TRIM65: variants seen among roughly 807,000 people sequenced by gnomAD.
TRIM65 encodes the protein E3 ubiquitin-protein ligase TRIM65.
Under a neutral mutation model 36.1 loss-of-function variants are expected in TRIM65, and 46 were observed. The observed-to-expected ratio is 1.27, with a 90% CI of 1.01 to 1.63. The LOEUF (loss-of-function observed/expected upper bound fraction) is 1.63. Among genes scored for constraint, TRIM65 ranks in the 40% most tolerant of loss-of-function variants. The probability of loss-of-function intolerance (pLI) is 0.00; values close to 1 mark genes in which losing one functional copy is unlikely to be tolerated. For missense variants in TRIM65, 708 were observed against 696.6 expected, an observed-to-expected ratio of 1.02 and a Z score of -0.18; for synonymous variants, 346 against 313.6, an observed-to-expected ratio of 1.10 and a Z score of -1.09.
In TRIM65 at chr17:75,896,688, C is replaced by T; in HGVS notation, c.250G>A (p.Asp84Asn). Residue 84 changes from aspartate to asparagine, a missense_variant, in exon 1 of 6, where the codon GAT becomes AAT. Asp to Asn is a conservative substitution (Grantham distance 23). Transcript: ENST00000269383. The part of the protein sequence containing the change: ...RAGPARDPGP[D>N]PGPGPDPAAR... ...GCAGGGTCGGGGCCGGGGCCGGGAT[C>T]GGGGCCGGGATCCCGGGCGGGCCCG... The T allele has an allele frequency of 2.3e-6, 3 of 1,299,978 alleles. No individual in the cohort carries two copies. Among genetic ancestry groups the T allele is most frequent in the African/African-American group, 3.1e-5 (2 of 63,708 alleles). 80.5% of individuals were successfully genotyped at this position (1,299,978 alleles called of 1,614,324 possible).
downstream of TRIM65, among the ~76,000 whole-genome samples, chr17:75,879,957 T>G (rs1479033087): frequency 6.6e-6 from 1 of 150,564 alleles, no homozygotes; most frequent in Non-Finnish European, 1.5e-5. Context: ...TTTCACCATG[T>G]TGGCCAAGCT....
At position 75,889,773 on chromosome 17, in the gene TRIM65, G is replaced by C. The variant is rs901321318; in HGVS notation, c.*1006C>G. On this transcript the variant is annotated 3_prime_UTR_variant, in exon 6 of 6. Transcript: ENST00000269383. ...AGCCTACATACATGACCATAAATGTGGCCAAACATCCCACTCAGAAATATT... is the reference window on the plus strand; with the variant it reads ...AGCCTACATACATGACCATAAATGTCGCCAAACATCCCACTCAGAAATATT... 2 of 152,084 alleles carry C rather than the reference G, an allele frequency of 1.3e-5. No individual in the cohort carries two copies. The highest frequency in any genetic ancestry group is 2.4e-5 in the African/African-American group (1 of 41,394). 9.4% of individuals were successfully genotyped at this position (152,084 alleles called of 1,614,324 possible).
At chr17:75,891,450 G>A (rs1008612876) in intron 5 of TRIM65, 103 bp from the exon 6 acceptor site, 5 of 1,243,348 alleles carry the variant, frequency 4.0e-6, no homozygotes, top group South Asian at 1.3e-5. Flanking sequence ...AGCACCGGCC[G>A]TCACCATAGC....
At chr17:75,894,104 TCTTC>T (rs2065311832) in intron 1 of TRIM65, among the ~76,000 whole-genome samples, 2 of 152,068 alleles carry the variant, frequency 1.3e-5, no homozygotes, top group Admixed American at 1.3e-4. Flanking sequence ...AGGCATCGAT[TCTTC>T]CTTCTCTGAC....
rs533357998 is a variant in TRIM65 at position 75,894,736 on chromosome 17, A to G, written c.414+1788T>C. Among the ~76,000 whole-genome samples, 9 of 152,312 alleles carry G rather than the reference A, an allele frequency of 5.9e-5. No homozygotes were observed. The East Asian group carries it at 9.7e-4, about 16-fold the overall frequency. ...AGTAGAGACAGGGTTTCACCATGTT[A>G]GCCAGGATGGTCTCAATCTCCTGAC... On this transcript the variant is annotated intron_variant, in intron 1 of 5. Coordinates refer to ENST00000269383, the MANE Select transcript of TRIM65 (RefSeq NM_173547.4).
downstream of TRIM65, among the ~76,000 whole-genome samples, chr17:75,888,352 CAA>C (rs1251206237): frequency 6.6e-5 from 6 of 91,070 alleles, no homozygotes; most frequent in Non-Finnish European, 6.9e-5. Context: ...GACTCTGTCT[CAA>C]AAAAAAAAAA....
chr17:75,896,859 A>G lies in TRIM65; in HGVS notation c.79T>C (p.Cys27Arg). ...GLYQDPVTLP[C>R]GHNFCGACIR... ...CAGGCCCCGCAGAAGTTGTGGCCGC[A>G]GGGCAGCGTCACTGGGTCCTGGTAG... The change falls in exon 1 of 6, where the codon TGC (cysteine) becomes CGC (arginine). Residue 27 changes from cysteine to arginine, a missense_variant. Coordinates refer to ENST00000269383, the MANE Select transcript of TRIM65 (RefSeq NM_173547.4). The G allele has an allele frequency of 1.3e-6, 2 of 1,531,594 alleles. No homozygotes were observed. The highest frequency in any genetic ancestry group is 2.5e-5 in the East Asian group (1 of 39,346). The allele number at this position is 1,531,594 out of a possible 1,614,324, so 94.9% of individuals were successfully genotyped here. A position where few individuals can be genotyped will look rare whatever the true frequency, so the allele number is the denominator to read the frequency against.
intron 4 of TRIM65, among the ~76,000 whole-genome samples, chr17:75,883,728 C>T (rs1400891934): frequency 2.0e-5 from 3 of 151,606 alleles, no homozygotes; most frequent in African/African-American, 7.3e-5. Flanking sequence ...GGGGTTTCAC[C>T]GTGTTAGCCA....
In TRIM65 at chr17:75,891,018, C is replaced by G. The variant is rs544347988; in HGVS notation, c.1315G>C (p.Glu439Gln). 6.2e-7 allele frequency: 1 copy of G among 1,606,512 alleles called. No homozygotes were observed. The highest frequency in any genetic ancestry group is 1.3e-5 in the African/African-American group (1 of 74,814). Reference sequence around the variant, plus strand: ...GACACCCCTGGGAGGCGCTGGGCTTCCCCGTTGTGCCAGGCCTGGAGGCTG... The same window carrying G: ...GACACCCCTGGGAGGCGCTGGGCTTGCCCGTTGTGCCAGGCCTGGAGGCTG... ...EDSLQAWHNGEAQRLPGVSGR... is the reference protein window; with the variant it reads ...EDSLQAWHNGQAQRLPGVSGR... Residue 439 changes from glutamate to glutamine, a missense_variant, in exon 6 of 6, where the codon GAA becomes CAA. Transcript: ENST00000269383.
intron 1 of TRIM65, 58 bp downstream of exon 1, chr17:75,896,466 C>A: frequency 1.6e-6 from 2 of 1,284,552 alleles, no homozygotes; most frequent in Non-Finnish European, 9.9e-7. Flanking sequence ...AGGAGTCACC[C>A]GGCGGTGGCC....
At chr17:75,879,728 C>T (rs368487296), downstream of TRIM65, among the ~76,000 whole-genome samples, 9 of 150,634 alleles carry the variant, frequency 6.0e-5, no homozygotes, top group East Asian at 1.3e-3. Context: ...AGACATATTT[C>T]GCATTGAAAA....
chr17:75,890,863 C>A lies in TRIM65; in HGVS notation c.1470G>T (p.Trp490Cys). 1 of 1,527,870 alleles carries A rather than the reference C, an allele frequency of 6.5e-7. No homozygotes were observed. Among genetic ancestry groups the A allele is most frequent in the South Asian group, 1.3e-5 (1 of 79,942 alleles). 94.6% of individuals were successfully genotyped at this position (1,527,870 alleles called of 1,614,324 possible). A position where few individuals can be genotyped will look rare whatever the true frequency, so the allele number is the denominator to read the frequency against. The change falls in exon 6 of 6, where the codon TGG (tryptophan) becomes TGT (cysteine). Residue 490 changes from tryptophan to cysteine, a missense_variant. Trp to Cys is a radical substitution (Grantham distance 215). Transcript: ENST00000269383. Reference protein sequence around the residue: ...LFNQPLTPVFWLLEGRTLTLC... With the variant: ...LFNQPLTPVFCLLEGRTLTLC... ...GGGTCAGGGTCCTACCCTCGAGGAG[C>A]CAGAAGACGGGGGTGAGGGGCTGGT...
rs370413681 is a variant in TRIM65 at position 75,891,798 on chromosome 17, G to A, written c.985+15C>T. 393 of 1,604,976 alleles carry A rather than the reference G, an allele frequency of 2.4e-4. No individual in the cohort carries two copies. Among genetic ancestry groups the A allele is most frequent in the Non-Finnish European group, 3.2e-4 (374 of 1,175,690 alleles). The stretch of plus-strand genomic sequence containing the variant: ...CGCACACACAGGGGCACACATACAC[G>A]AACGGCCTCCTTACTCTGCCAGAGT... On this transcript the variant is annotated intron_variant, in intron 5 of 5. Transcript: ENST00000269383.
rs952019214 is a variant in TRIM65 at position 75,892,259 on chromosome 17, C to T, written c.744+8G>A. ...CAAGTCCGCCACCTATGCCCTGAGCCCTCGCACCTGCAGGAAGGTCTGCTC... is the reference window on the plus strand; with the variant it reads ...CAAGTCCGCCACCTATGCCCTGAGCTCTCGCACCTGCAGGAAGGTCTGCTC... On this transcript the variant is annotated splice_region_variant and intron_variant, in intron 3 of 5. Transcript: ENST00000269383. 2 of 1,608,000 alleles carry T rather than the reference C, an allele frequency of 1.2e-6. No homozygotes were observed. Among genetic ancestry groups the T allele is most frequent in the African/African-American group, 1.3e-5 (1 of 74,814 alleles).
chr17:75,892,508 G>T lies in TRIM65; in HGVS notation c.511-8C>A, dbSNP rs775867582. ...CAAGATGCAGGCCGAGTTCTGGGCGGGAACAGGAGGGGCTTCAGGGTGGCC... is the reference window on the plus strand; with the variant it reads ...CAAGATGCAGGCCGAGTTCTGGGCGTGAACAGGAGGGGCTTCAGGGTGGCC... On this transcript the variant is annotated splice_polypyrimidine_tract_variant and splice_region_variant and intron_variant, in intron 2 of 5. Coordinates refer to ENST00000269383, the MANE Select transcript of TRIM65 (RefSeq NM_173547.4). 1 of 1,611,250 alleles carries T rather than the reference G, an allele frequency of 6.2e-7. No individual in the cohort carries two copies. Among genetic ancestry groups the T allele is most frequent in the African/African-American group, 1.3e-5 (1 of 74,894 alleles).
rs757066892 is a variant in TRIM65 at position 75,890,949 on chromosome 17, G to A, written c.1384C>T (p.Leu462Phe). Residue 462 changes from leucine to phenylalanine, a missense_variant, in exon 6 of 6, where the codon CTC becomes TTC. Physicochemically the swap from Leu to Phe is conservative, Grantham distance 22. Coordinates refer to ENST00000269383, the MANE Select transcript of TRIM65 (RefSeq NM_173547.4). ...TGGGGCTCCAGGCTGTAGAAGGTGA[G>A]GCAGCCTGAGGCCAGGTCCAAATCC... ...GMDLDLASGCLTFYSLEPQTQ... is the reference protein window; with the variant it reads ...GMDLDLASGCFTFYSLEPQTQ... The A allele has an allele frequency of 1.3e-6, 2 of 1,557,326 alleles. No homozygotes were observed. The highest frequency in any genetic ancestry group is 1.2e-5 in the South Asian group (1 of 85,134).
intron 1 of TRIM65, among the ~76,000 whole-genome samples, chr17:75,894,674 C>T (rs541811409): frequency 2.6e-5 from 4 of 152,242 alleles, no homozygotes; most frequent in African/African-American, 9.6e-5. Flanking sequence ...GGACTACAGG[C>T]GCCCGCCACC....
downstream of TRIM65, among the ~76,000 whole-genome samples, chr17:75,880,124 T>G (rs757542134): frequency 6.6e-5 from 10 of 150,670 alleles, 1 homozygote; most frequent in Non-Finnish European, 1.0e-4. Flanking sequence ...TTCTCTCCAT[T>G]TGGAATAGAA....
chr17:75,892,370 C>T lies in TRIM65; in HGVS notation c.641G>A (p.Arg214Gln), dbSNP rs765026510. 1.9e-5 allele frequency: 31 copies of T among 1,613,524 alleles called. No homozygotes were observed. The highest frequency in any genetic ancestry group is 2.3e-5 in the Non-Finnish European group (27 of 1,179,924). Reference sequence around the variant, plus strand: ...GACCCGCAGCCGCTGCTCCTCGTCTCGAGCCTGTGCCAGCGCCTGCGTCTT... The same window carrying T: ...GACCCGCAGCCGCTGCTCCTCGTCTTGAGCCTGTGCCAGCGCCTGCGTCTT... ...VAKTQALAQA[R>Q]DEEQRLRVHL... Residue 214 changes from arginine to glutamine, a missense_variant, in exon 3 of 6, where the codon CGA (arginine) becomes CAA (glutamine). By Grantham distance (43) the Arg-to-Gln change is conservative (BLOSUM62 1). Transcript: ENST00000269383.
Sources: gnomAD v4.1 joint callset for allele counts (sites outside exome capture counted in the v4.1 genomes callset) on GRCh38, gnomAD v4.1.1 for gene constraint, MANE v1.5 for transcripts, NCBI Gene and HGNC (gene_info 2026-07-23, HGNC 2026-07-21) for gene names.